PPIP5K2: variants seen among roughly 807,000 people sequenced by gnomAD.
PPIP5K2 encodes inositol hexakisphosphate and diphosphoinositol-pentakisphosphate kinase 2.
A neutral mutation model predicts 154.6 loss-of-function variants in PPIP5K2; 105 were observed. That is an observed-to-expected ratio of 0.68 (90% CI 0.58 to 0.80). PPIP5K2 has a LOEUF of 0.80. Ranked by LOEUF, PPIP5K2 falls within the 30% of genes least tolerant of loss-of-function variation. The probability of loss-of-function intolerance (pLI) is 0.00; values close to 1 mark genes in which losing one functional copy is unlikely to be tolerated. For missense variants in PPIP5K2, 992 were observed against 1,504.6 expected, an observed-to-expected ratio of 0.66 and a Z score of 5.64; for synonymous variants, 480 against 490.3, an observed-to-expected ratio of 0.98 and a Z score of 0.28.
chr5:103,180,848 C>CAAA (rs782295420), intron 24 of PPIP5K2, among the ~76,000 whole-genome samples: 2 of 90,356 alleles, frequency 2.2e-5, no homozygotes, highest in African/African-American at 4.3e-5. Context: ...AGACTCTCCC[C>CAAA]AAAAAAAAAA....
At chr5:103,152,256 G>T (rs1181021672) in intron 9 of PPIP5K2, among the ~76,000 whole-genome samples, 1 of 151,912 alleles carries the variant, frequency 6.6e-6, no homozygotes, top group African/African-American at 2.4e-5. Flanking sequence ...GATTTGTTAA[G>T]ATGAACACAA....
intron 19 of PPIP5K2, among the ~76,000 whole-genome samples, chr5:103,168,783 A>G (rs1797521134): frequency 6.6e-6 from 1 of 151,828 alleles, no homozygotes; most frequent in Non-Finnish European, 1.5e-5. Flanking sequence ...CATACAGAGT[A>G]TTTCACTGCC....
chr5:103,145,047 C>T (rs1367576995), intron 5 of PPIP5K2, among the ~76,000 whole-genome samples: 1 of 151,752 alleles, frequency 6.6e-6, no homozygotes, highest in African/African-American at 2.4e-5. Flanking sequence ...ATAAGAAGCT[C>T]AAACAGCTCT....
At chr5:103,121,201 A>G (rs1788653220) in intron 1 of PPIP5K2, among the ~76,000 whole-genome samples, 1 of 152,204 alleles carries the variant, frequency 6.6e-6, no homozygotes, top group South Asian at 2.1e-4. Flanking sequence ...ACACTGGGAC[A>G]GGATTTTGTT....
chr5:103,120,824 A>C (rs558614867), intron 1 of PPIP5K2: 2 of 243,832 alleles, frequency 8.2e-6, no homozygotes, highest in South Asian at 4.4e-5. Context: ...ATTAGCCTCG[A>C]GTTATGGGAC....
At chr5:103,152,050 T>C (rs1794717180) in intron 9 of PPIP5K2, among the ~76,000 whole-genome samples, 1 of 151,990 alleles carries the variant, frequency 6.6e-6, no homozygotes, top group East Asian at 1.9e-4. Flanking sequence ...CCAAAATGCA[T>C]GGGACCAGAA....
chr5:103,146,695 AACTTTTG>A lies in PPIP5K2; in HGVS notation c.642+15_642+21del, dbSNP rs1486787092. On this transcript the variant is annotated intron_variant, in intron 6 of 30. Coordinates refer to ENST00000358359, the MANE Select transcript of PPIP5K2 (RefSeq NM_001276277.3). ...CTCTTTAGAAAGGTAACACCTTTGTAACTTTTGTATGAATACTCTTCTTTGTACATTG... is the reference window on the plus strand; with the variant it reads ...CTCTTTAGAAAGGTAACACCTTTGTATATGAATACTCTTCTTTGTACATTG... The A allele has an allele frequency of 2.5e-6, 4 of 1,592,672 alleles. No homozygotes were observed. The Admixed American group carries it at 5.2e-5, about 21-fold the overall frequency.
chr5:103,170,137 T>C (rs1797754063), intron 19 of PPIP5K2, among the ~76,000 whole-genome samples: 1 of 151,654 alleles, frequency 6.6e-6, no homozygotes, highest in African/African-American at 2.4e-5. Flanking sequence ...TTGTAGATGG[T>C]CATTTCTCCT....
intron 1 of PPIP5K2, among the ~76,000 whole-genome samples, chr5:103,124,278 C>CAAAAA (rs71226931): frequency 7.9e-6 from 1 of 126,874 alleles, no homozygotes; most frequent in Non-Finnish European, 1.7e-5. Flanking sequence ...GACTCCATCT[C>CAAAAA]AAAAAAAAAA....
chr5:103,199,517 T>C (rs1554229597), intron 30 of PPIP5K2, among the ~76,000 whole-genome samples: 1 of 152,186 alleles, frequency 6.6e-6, no homozygotes, highest in Admixed American at 6.5e-5. Flanking sequence ...TAATTTGAAT[T>C]ACTGTCCACA....
intron 30 of PPIP5K2, 138 bp downstream of exon 30, chr5:103,195,163 C>T (rs1580473675): frequency 1.4e-5 from 15 of 1,070,508 alleles, no homozygotes; most frequent in South Asian, 6.9e-5. Context: ...GGTTAAAAAT[C>T]GATTATTGTA....
At chr5:103,149,026 G>A in intron 7 of PPIP5K2, 126 bp from the exon 8 acceptor site, 2 of 725,708 alleles carry the variant, frequency 2.8e-6, no homozygotes, top group Non-Finnish European at 4.1e-6. Context: ...ATAGAAAGAT[G>A]TGTCTACTAG....
At chr5:103,182,918 G>A (rs1554223413) in intron 24 of PPIP5K2, among the ~76,000 whole-genome samples, 1 of 151,836 alleles carries the variant, frequency 6.6e-6, no homozygotes, top group Non-Finnish European at 1.5e-5. Flanking sequence ...AATATTTCCA[G>A]TTTTAACAGG....
chr5:103,196,045 C>T (rs557102979), intron 30 of PPIP5K2, among the ~76,000 whole-genome samples: 16 of 152,280 alleles, frequency 1.1e-4, no homozygotes, highest in African/African-American at 3.8e-4. Flanking sequence ...ATATAAAGTA[C>T]TTGGCACACA....
At chr5:103,134,303 G>C (rs1264749954) in intron 3 of PPIP5K2, among the ~76,000 whole-genome samples, 1 of 152,014 alleles carries the variant, frequency 6.6e-6, no homozygotes, top group Non-Finnish European at 1.5e-5. Flanking sequence ...CAAAATTATT[G>C]CTGAGGGTAC....
intron 17 of PPIP5K2, among the ~76,000 whole-genome samples, chr5:103,159,730 A>T (rs2149614815): frequency 6.6e-6 from 1 of 152,300 alleles, no homozygotes; most frequent in South Asian, 2.1e-4. Context: ...GAAATGGCTA[A>T]CTTAAGCTAA....
chr5:103,153,264 CAAGTGTTAAAT>C (rs2149578281), intron 10 of PPIP5K2, among the ~76,000 whole-genome samples: 1 of 151,692 alleles, frequency 6.6e-6, no homozygotes, highest in African/African-American at 2.4e-5. Flanking sequence ...ATTTAACACG[CAAGTGTTAAAT>C]AAAATTTTTT....
At chr5:103,198,817 T>G (rs1802516206) in intron 30 of PPIP5K2, among the ~76,000 whole-genome samples, 1 of 152,194 alleles carries the variant, frequency 6.6e-6, no homozygotes, top group South Asian at 2.1e-4. Flanking sequence ...AGTCTACTAC[T>G]TTCTTATGTT....
At chr5:103,149,113 C>CAT (rs782690780) in intron 7 of PPIP5K2, 39 bp from the exon 8 acceptor site, 9 of 1,467,848 alleles carry the variant, frequency 6.1e-6, no homozygotes, top group Middle Eastern at 1.9e-4. Context: ...CACACACATA[C>CAT]ATATATATAT....
Sources: allele counts gnomAD v4.1 joint callset (sites outside exome capture counted in the v4.1 genomes callset), GRCh38; gene constraint gnomAD v4.1.1; transcripts MANE v1.5; gene names NCBI Gene and HGNC (gene_info 2026-07-23, HGNC 2026-07-21).